Variants in USP22 observed in about 807,000 individuals in gnomAD.
The protein encoded by USP22 is ubiquitin specific peptidase 22, also known as ubiquitin carboxyl-terminal hydrolase 22.
In USP22, 22 loss-of-function variants were observed where a neutral mutation model predicts 68.1. That is an observed-to-expected ratio of 0.32 (90% confidence interval 0.23 to 0.46). The LOEUF is 0.46. USP22 is among the 20% of genes least tolerant of loss of function. USP22 has a pLI of 1.00. For synonymous variants in USP22, 279 were observed against 274.2 expected (o/e 1.02, Z -0.17); for missense variants, 433 against 695.8 (o/e 0.62, Z 4.25).
intron 5 of USP22, among the ~76,000 whole-genome samples, chr17:21,017,160 C>T (rs1972093049): frequency 2.0e-5 from 3 of 152,314 alleles, no homozygotes; most frequent in Middle Eastern, 6.8e-3. Flanking sequence ...TAGCCTCTGT[C>T]CAACTGCTCA....
chr17:21,023,878 G>A (rs1365959199), intron 2 of USP22, among the ~76,000 whole-genome samples: 1 of 152,190 alleles, frequency 6.6e-6, no homozygotes, highest in East Asian at 1.9e-4. Flanking sequence ...TCCCAGAGCT[G>A]TGTGATGATT....
rs2143525894 is a variant in USP22, at chr17:21,008,045, A to G, written c.1104-49T>C. On this transcript the variant is annotated intron_variant, in intron 8 of 12. Transcript: ENST00000261497. ...GAGCGGTAAGGGAGATGCAAGAGAC[A>G]GAAAAATGAGAGGAAAGAGGTATTT... The G allele has an allele frequency of 1.3e-6, 2 of 1,587,030 alleles. 1 individual carries two copies. Among genetic ancestry groups the G allele is most frequent in the South Asian group, 2.3e-5 (2 of 88,028 alleles).
At position 21,041,299 on chromosome 17, in the gene USP22, G is replaced by C. The variant is rs1972427557; in HGVS notation, c.171+1366C>G. Among the ~76,000 whole-genome samples the C allele has an allele frequency of 2.0e-5, 3 of 152,036 alleles. No individual in the cohort carries two copies. In the South Asian group the frequency reaches 6.2e-4, roughly 31 times the overall value. ...CATAACGCTACCTGATACCATTACA[G>C]ATAAAAAAAATTTTGAGGCCGGGCA... On this transcript the variant is annotated intron_variant, in intron 1 of 12. Coordinates refer to ENST00000261497, the MANE Select transcript of USP22 (RefSeq NM_015276.2).
chr17:21,015,861 C>T lies in USP22; in HGVS notation c.729G>A (p.Lys243=), dbSNP rs1914116463. Residue 243 remains lysine (K), a synonymous_variant, in exon 6 of 13, where the codon AAG becomes AAA. Transcript: ENST00000261497. The stretch of plus-strand genomic sequence containing the variant: ...CGTGGGTCCACACCAGGTGCAGCAA[C>T]TTATACGGGATGTGAGGGGACCGGT... ...SGHRSPHIPY[K]LLHLVWTHAR... The T allele has an allele frequency of 6.2e-7, 1 of 1,614,134 alleles. No individual in the cohort carries two copies. The highest frequency in any genetic ancestry group is 2.2e-5 in the East Asian group (1 of 44,868).
intron 1 of USP22, among the ~76,000 whole-genome samples, chr17:21,037,034 G>A (rs7208779): frequency 0.75 from 114,555 of 152,124 alleles, 43,560 homozygotes; most frequent in South Asian, 0.82. Context: ...CAAAAACAAC[G>A]AACAAAAAAT....
At chr17:21,022,237 G>A (rs1377579956) in intron 2 of USP22, among the ~76,000 whole-genome samples, 2 of 152,030 alleles carry the variant, frequency 1.3e-5, no homozygotes, top group South Asian at 2.1e-4. Context: ...GTTTCCTTTG[G>A]GGAGAAGTAT....
chr17:21,005,955 G>A (rs1159652153), intron 10 of USP22, among the ~76,000 whole-genome samples: 1 of 152,182 alleles, frequency 6.6e-6, no homozygotes, highest in Non-Finnish European at 1.5e-5. Flanking sequence ...TGGACACAGA[G>A]TCAGGGGAGC....
rs538286874 is a variant in USP22, at chr17:21,036,521, G to A, written c.171+6144C>T. ...ACTGTAACTGAGCACTGTACTGTAA[G>A]GGGGGGGGGGGTCAAGTCATTTCCC... On this transcript the variant is annotated intron_variant, in intron 1 of 12. Coordinates refer to ENST00000261497, the MANE Select transcript of USP22 (RefSeq NM_015276.2). 6.6e-4 allele frequency among the ~76,000 whole-genome samples: 13 copies of A among 19,732 alleles called. No homozygotes were observed. The South Asian group carries it at 0.022, about 33-fold the overall frequency. 12.9% of individuals were successfully genotyped at this position (19,732 alleles called of 152,430 possible).
intron 1 of USP22, among the ~76,000 whole-genome samples, chr17:21,038,709 G>T (rs983769813): frequency 2.0e-5 from 3 of 151,716 alleles, no homozygotes; most frequent in Non-Finnish European, 4.4e-5. Flanking sequence ...TTAAAAAAGT[G>T]TTTTGAGGAC....
chr17:21,018,964 T>C (rs1191633334), intron 4 of USP22, 120 bp downstream of exon 4: 50 of 1,019,502 alleles, frequency 4.9e-5, no homozygotes, highest in Non-Finnish European at 6.7e-5. Flanking sequence ...AGCACATTGA[T>C]GAGTGACAGT....
chr17:21,016,714 C>T (rs1026327923), intron 5 of USP22, among the ~76,000 whole-genome samples: 5 of 152,140 alleles, frequency 3.3e-5, no homozygotes, highest in East Asian at 3.8e-4. Context: ...CCGTATGATG[C>T]GCTGGTAAAG....
intron 2 of USP22, among the ~76,000 whole-genome samples, chr17:21,023,982 C>T (rs1163852533): frequency 6.6e-6 from 1 of 152,204 alleles, no homozygotes; most frequent in Non-Finnish European, 1.5e-5. Flanking sequence ...GCTACTACGA[C>T]TTATATTGTG....
At position 21,033,452 on chromosome 17, in the gene USP22, C is replaced by T. The variant is rs1972316586; in HGVS notation, c.172-4778G>A. Among the ~76,000 whole-genome samples the T allele has an allele frequency of 2.0e-5, 3 of 152,184 alleles. No individual in the cohort carries two copies. In the East Asian group the frequency reaches 5.8e-4, roughly 29 times the overall value. Reference sequence around the variant, plus strand: ...TGAATATCCTGTCCTCTTATCTCCCCACTCACACTACCTCCCACCCCAAGA... The same window carrying T: ...TGAATATCCTGTCCTCTTATCTCCCTACTCACACTACCTCCCACCCCAAGA... On this transcript the variant is annotated intron_variant, in intron 1 of 12. Transcript: ENST00000261497.
chr17:21,024,829 G>A (rs1324008590), intron 2 of USP22, among the ~76,000 whole-genome samples: 2 of 152,090 alleles, frequency 1.3e-5, no homozygotes, highest in East Asian at 3.9e-4. Context: ...TCAGCCAAGC[G>A]TGGTGGCGCG....
At chr17:21,011,113 G>A (rs1913954097) in intron 8 of USP22, 38 bp downstream of exon 8, 2 of 1,548,126 alleles carry the variant, frequency 1.3e-6, no homozygotes, top group African/African-American at 1.4e-5. Context: ...CTTCTGGCCA[G>A]GAGACACGCC....
intron 1 of USP22, chr17:21,042,340 G>C (rs1972445993): frequency 5.5e-6 from 1 of 180,992 alleles, no homozygotes. Flanking sequence ...GGATAAGGGA[G>C]GGGGAGGGCG....
intron 1 of USP22, among the ~76,000 whole-genome samples, chr17:21,029,400 C>G (rs1972261446): frequency 6.6e-6 from 1 of 152,168 alleles, no homozygotes; most frequent in Admixed American, 6.5e-5. Flanking sequence ...ACATATACAC[C>G]TACTATGTAC....
intron 5 of USP22, 49 bp from the exon 6 acceptor site, chr17:21,015,948 T>C (rs1914120586): frequency 1.3e-6 from 2 of 1,598,900 alleles, no homozygotes; most frequent in Non-Finnish European, 1.7e-6. Context: ...ATGTAGACTC[T>C]GAACACAGAG....
intron 1 of USP22, among the ~76,000 whole-genome samples, chr17:21,033,910 G>C (rs1431004201): frequency 6.6e-6 from 1 of 151,872 alleles, no homozygotes; most frequent in Non-Finnish European, 1.5e-5. Context: ...CACCATGCTC[G>C]GCTAACTTTT....
Sources: gnomAD v4.1 joint callset for allele counts (sites outside exome capture counted in the v4.1 genomes callset) on GRCh38, gnomAD v4.1.1 for gene constraint, MANE v1.5 for transcripts, NCBI Gene and HGNC (gene_info 2026-07-23, HGNC 2026-07-21) for gene names.